The following UBE2K variants were observed in gnomAD, a reference collection of about 807,000 sequenced individuals.
The protein encoded by UBE2K is ubiquitin conjugating enzyme E2 K, also known as ubiquitin-conjugating enzyme E2 K.
A neutral mutation model predicts 30.0 loss-of-function variants in UBE2K; 6 were observed. The observed-to-expected ratio is 0.20, with a 90% CI of 0.11 to 0.39. UBE2K has a LOEUF of 0.39. Among genes scored for constraint, UBE2K ranks in the 10% least tolerant of loss-of-function variants. UBE2K has a pLI of 1.00. For synonymous variants in UBE2K, 86 were observed against 83.7 expected (o/e 1.03, Z -0.15); for missense variants, 61 against 241.6 (o/e 0.25, Z 4.96).
At position 39,714,547 on chromosome 4, in the gene UBE2K, TA is replaced by T. The variant is rs1302668423; in HGVS notation, c.63+16158del. 1.4e-3 allele frequency: 58 copies of T among 40,554 alleles called. 2 individuals are homozygous for T. Among genetic ancestry groups the T allele is most frequent in the Non-Finnish European group, 1.6e-3 (37 of 22,786 alleles). 2.5% of individuals were successfully genotyped at this position (40,554 alleles called of 1,614,324 possible). ...ATATATATATATATATATATATATA[TA>T]TATTTTTTTTTTTTTTTAAGACTGA... On this transcript the variant is annotated intron_variant, in intron 1 of 6. Coordinates refer to ENST00000261427, the MANE Select transcript of UBE2K (RefSeq NM_005339.5).
intron 1 of UBE2K, among the ~76,000 whole-genome samples, chr4:39,719,634 TCA>T (rs762290136): frequency 6.6e-6 from 1 of 152,234 alleles, no homozygotes; most frequent in Non-Finnish European, 1.5e-5. Flanking sequence ...CTCTTTTCTC[TCA>T]GTTAACTATG....
At position 39,778,355 on chromosome 4, in the gene UBE2K, T is replaced by TA; in HGVS notation, c.529-4dup. The TA allele has an allele frequency of 6.2e-7, 1 of 1,600,166 alleles. No individual in the cohort carries two copies. Among genetic ancestry groups the TA allele is most frequent in the Non-Finnish European group, 8.6e-7 (1 of 1,168,940 alleles). On this transcript the variant is annotated splice_polypyrimidine_tract_variant and splice_region_variant and intron_variant, in intron 6 of 6. Transcript: ENST00000261427. ...TAATTTCCTGTCCCCTTTTCTTCTCTACAGAATGCAGTAATAGTGGCCTTG... is the reference window on the plus strand; with the variant it reads ...TAATTTCCTGTCCCCTTTTCTTCTCTAACAGAATGCAGTAATAGTGGCCTTG...
At chr4:39,751,747 C>T (rs1043633304) in intron 3 of UBE2K, among the ~76,000 whole-genome samples, 5 of 151,956 alleles carry the variant, frequency 3.3e-5, no homozygotes, top group African/African-American at 1.2e-4. Flanking sequence ...CTGAGGCGGG[C>T]GGATCACTGG....
chr4:39,711,255 C>T (rs1258929227), intron 1 of UBE2K, among the ~76,000 whole-genome samples: 3 of 148,244 alleles, frequency 2.0e-5, no homozygotes, highest in South Asian at 2.1e-4. Context: ...CTCTGCCTCC[C>T]GGGGTCATGC....
At chr4:39,707,773 G>C (rs577102103) in intron 1 of UBE2K, among the ~76,000 whole-genome samples, 1 of 151,978 alleles carries the variant, frequency 6.6e-6, no homozygotes, top group East Asian at 1.9e-4. Context: ...TCCTGCCTCA[G>C]CCTCCCAAAG....
chr4:39,761,469 CT>C (rs1404542661), intron 4 of UBE2K, among the ~76,000 whole-genome samples: 1 of 152,090 alleles, frequency 6.6e-6, no homozygotes, highest in Non-Finnish European at 1.5e-5. Context: ...GGCCTGAGTC[CT>C]TATGAATGAA....
At chr4:39,732,346 G>C (rs1720119622) in intron 1 of UBE2K, among the ~76,000 whole-genome samples, 1 of 152,128 alleles carries the variant, frequency 6.6e-6, no homozygotes, top group African/African-American at 2.4e-5. Flanking sequence ...CCAGTGTTTA[G>C]TTTTTCCCAC....
chr4:39,713,399 C>T (rs6810434), intron 1 of UBE2K, among the ~76,000 whole-genome samples: 24,808 of 147,956 alleles, frequency 0.17, 3,952 homozygotes, highest in African/African-American at 0.42. Context: ...CTCAGGCAAT[C>T]TGCCCATCTC....
At chr4:39,765,977 A>G (rs900022458) in intron 4 of UBE2K, among the ~76,000 whole-genome samples, 4 of 152,122 alleles carry the variant, frequency 2.6e-5, no homozygotes, top group African/African-American at 7.2e-5. Flanking sequence ...ACAAAAGCCA[A>G]ACATTTTGTT....
chr4:39,771,456 C>G, intron 4 of UBE2K: 1 of 1,567,716 alleles, frequency 6.4e-7, no homozygotes, highest in Admixed American at 1.9e-5. Flanking sequence ...GGTGGGCAAC[C>G]CTGGCCCGGT....
chr4:39,766,207 A>C (rs1216888016), intron 4 of UBE2K, among the ~76,000 whole-genome samples: 2 of 150,490 alleles, frequency 1.3e-5, no homozygotes, highest in African/African-American at 4.9e-5. Flanking sequence ...TTTTTGAGGG[A>C]CTGCCATACT....
chr4:39,717,607 CTG>C (rs922056747), intron 1 of UBE2K, among the ~76,000 whole-genome samples: 2 of 152,198 alleles, frequency 1.3e-5, no homozygotes, highest in African/African-American at 4.8e-5. Context: ...ACATCATTCT[CTG>C]TTAGGTTTTC....
At chr4:39,756,214 C>CT (rs1231802996) in intron 4 of UBE2K, among the ~76,000 whole-genome samples, 3 of 152,148 alleles carry the variant, frequency 2.0e-5, no homozygotes, top group African/African-American at 7.2e-5. Flanking sequence ...TGTGCTTTCA[C>CT]TTTTTTTGTC....
At chr4:39,706,093 G>C (rs1022866678) in intron 1 of UBE2K, among the ~76,000 whole-genome samples, 8 of 151,948 alleles carry the variant, frequency 5.3e-5, no homozygotes, top group Admixed American at 4.6e-4. Context: ...CTCACTGCAA[G>C]CTCCGCCTCT....
At position 39,698,401 on chromosome 4, in the gene UBE2K, A is replaced by G. The variant is rs1382737406; in HGVS notation, c.63+11A>G. 1 of 1,608,054 alleles carries G rather than the reference A, an allele frequency of 6.2e-7. No individual in the cohort carries two copies. The highest frequency in any genetic ancestry group is 8.5e-7 in the Non-Finnish European group (1 of 1,177,486). ...CTGAAGAGCGAGGAGGTCAGAAATG[A>G]ACTCCCGGATATCCCCCACCTCTGC... On this transcript the variant is annotated intron_variant, in intron 1 of 6. Coordinates refer to ENST00000261427, the MANE Select transcript of UBE2K (RefSeq NM_005339.5).
At chr4:39,723,051 AT>A (rs544513013) in intron 1 of UBE2K, among the ~76,000 whole-genome samples, 46 of 133,910 alleles carry the variant, frequency 3.4e-4, no homozygotes, top group South Asian at 1.7e-3. Context: ...TTTTTCTTTA[AT>A]TTTTTTTTTT....
chr4:39,737,595 A>T (rs1720446838), intron 2 of UBE2K, 82 bp downstream of exon 2: 1 of 881,436 alleles, frequency 1.1e-6, no homozygotes, highest in Non-Finnish European at 1.7e-6. Context: ...TTAAACATCT[A>T]TAAATTATAT....
chr4:39,751,652 G>A (rs1578476912), intron 3 of UBE2K, among the ~76,000 whole-genome samples: 1 of 152,090 alleles, frequency 6.6e-6, no homozygotes, highest in African/African-American at 2.4e-5. Flanking sequence ...TTCAGCCAAG[G>A]TGACAGAGTA....
At chr4:39,727,688 C>G (rs114836764) in intron 1 of UBE2K, among the ~76,000 whole-genome samples, 1,695 of 152,154 alleles carry the variant, frequency 0.011, 39 homozygotes, top group African/African-American at 0.038. Context: ...GTGTGAGCCA[C>G]TGTGCCTGGC....
Sources: allele counts gnomAD v4.1 joint callset (sites outside exome capture counted in the v4.1 genomes callset), GRCh38; gene constraint gnomAD v4.1.1; transcripts MANE v1.5; gene names NCBI Gene and HGNC (gene_info 2026-07-23, HGNC 2026-07-21).